EXT1: variants seen among roughly 807,000 people sequenced by gnomAD.
EXT1 encodes the protein exostosin glycosyltransferase 1, also known as exostosin-1.
Under a neutral mutation model 82.5 loss-of-function variants are expected in EXT1, and 20 were observed. The observed-to-expected ratio is 0.24, with a 90% CI of 0.17 to 0.35. The LOEUF (loss-of-function observed/expected upper bound fraction) is 0.35. Among genes scored for constraint, EXT1 ranks in the 10% least tolerant of loss-of-function variants. The pLI, the probability that EXT1 is intolerant of heterozygous loss-of-function variation, is 1.00. For missense variants in EXT1, 757 were observed against 936.5 expected (o/e 0.81, Z 2.50); for synonymous variants, 348 against 350.8 (o/e 0.99, Z 0.09).
intron 1 of EXT1, among the ~76,000 whole-genome samples, chr8:117,889,902 A>C (rs1813212839): frequency 6.6e-6 from 1 of 152,198 alleles, no homozygotes; most frequent in South Asian, 2.1e-4. Context: ...CCAACTCTGA[A>C]AAACCTATAG....
chr8:117,940,428 A>G (rs1814249017), intron 1 of EXT1, among the ~76,000 whole-genome samples: 1 of 152,214 alleles, frequency 6.6e-6, no homozygotes, highest in South Asian at 2.1e-4. Flanking sequence ...GAAGGCTTGA[A>G]GAAACATTCC....
At chr8:117,961,648 A>G (rs1319598382) in intron 1 of EXT1, among the ~76,000 whole-genome samples, 1 of 152,256 alleles carries the variant, frequency 6.6e-6, no homozygotes, top group East Asian at 1.9e-4. Flanking sequence ...ATTCATATAT[A>G]AAGTGAGATT....
At chr8:117,849,248 C>T (rs1407178242) in intron 1 of EXT1, among the ~76,000 whole-genome samples, 1 of 152,174 alleles carries the variant, frequency 6.6e-6, no homozygotes, top group Non-Finnish European at 1.5e-5. Flanking sequence ...TGGCATTTAC[C>T]AAGGTCAGAA....
At chr8:118,105,312 T>A (rs1817788558) in intron 1 of EXT1, among the ~76,000 whole-genome samples, 1 of 152,170 alleles carries the variant, frequency 6.6e-6, no homozygotes, top group African/African-American at 2.4e-5. Flanking sequence ...GCTGTCAGAG[T>A]CAGGGTGACC....
At chr8:118,109,695 T>C (rs1312442341) in intron 1 of EXT1, among the ~76,000 whole-genome samples, 1 of 152,114 alleles carries the variant, frequency 6.6e-6, no homozygotes, top group African/African-American at 2.4e-5. Context: ...TCTCTGGACT[T>C]TGGGTAGATC....
intron 10 of EXT1, among the ~76,000 whole-genome samples, chr8:117,804,266 T>C (rs1823206237): frequency 6.6e-6 from 1 of 152,250 alleles, no homozygotes; most frequent in African/African-American, 2.4e-5. Flanking sequence ...TGCCCTTCTT[T>C]CTGCCATGTG....
At chr8:117,849,227 C>A (rs1439141861) in intron 1 of EXT1, among the ~76,000 whole-genome samples, 1 of 152,224 alleles carries the variant, frequency 6.6e-6, no homozygotes, top group Non-Finnish European at 1.5e-5. Flanking sequence ...TGCCCTGTTT[C>A]ATCTCCATCC....
Position 117,894,677 on chromosome 8 carries a change from C to A in EXT1, c.963-57476G>T, listed in dbSNP as rs1273088694. On this transcript the variant is annotated intron_variant, in intron 1 of 10. Coordinates refer to ENST00000378204, the MANE Select transcript of EXT1 (RefSeq NM_000127.3). ...AATTAGTTATGCCACATCCTTCCAA[C>A]CACAACCAGGCCCTGTTTAAAAGCA... Among the ~76,000 whole-genome samples, 4 of 152,170 alleles carry A rather than the reference C, an allele frequency of 2.6e-5. No homozygotes were observed. The East Asian group carries it at 5.8e-4, about 22-fold the overall frequency.
At chr8:117,938,360 G>T (rs1334266845) in intron 1 of EXT1, among the ~76,000 whole-genome samples, 3 of 152,202 alleles carry the variant, frequency 2.0e-5, no homozygotes, top group South Asian at 2.1e-4. Flanking sequence ...TACTCAGGAG[G>T]CTGAGGTGGG....
At chr8:117,830,426 G>C in intron 3 of EXT1, 77 bp from the exon 4 acceptor site, 1 of 1,544,506 alleles carries the variant, frequency 6.5e-7, no homozygotes. Flanking sequence ...ACCCAACTGG[G>C]TTAGGCTTTT....
chr8:117,826,629 G>A (rs1812011958), intron 4 of EXT1, among the ~76,000 whole-genome samples: 1 of 152,080 alleles, frequency 6.6e-6, no homozygotes, highest in African/African-American at 2.4e-5. Flanking sequence ...GAATTCTGGG[G>A]TAATCTGAGT....
chr8:117,985,583 A>G (rs1181175723), intron 1 of EXT1, among the ~76,000 whole-genome samples: 3 of 152,198 alleles, frequency 2.0e-5, no homozygotes, highest in Admixed American at 6.5e-5. Context: ...GCTGAGCCCA[A>G]GAGATGAAGA....
intron 1 of EXT1, among the ~76,000 whole-genome samples, chr8:117,977,330 C>G (rs1029195891): frequency 6.8e-6 from 1 of 147,306 alleles, no homozygotes; most frequent in Non-Finnish European, 1.5e-5. Flanking sequence ...GAGGCTACAG[C>G]GAGCCGTGAT....
intron 1 of EXT1, among the ~76,000 whole-genome samples, chr8:118,011,400 T>C (rs188193816): frequency 6.6e-6 from 1 of 152,336 alleles, no homozygotes; most frequent in African/African-American, 2.4e-5. Flanking sequence ...AATTCTGCAA[T>C]AGCTTTTAAT....
intron 1 of EXT1, among the ~76,000 whole-genome samples, chr8:117,922,191 C>T (rs956998179): frequency 1.3e-5 from 2 of 152,146 alleles, no homozygotes; most frequent in Non-Finnish European, 2.9e-5. Context: ...AGAACTCACA[C>T]TCCCAATTTC....
chr8:117,796,841 T>C lies in EXT1; in HGVS notation c.*2871A>G, dbSNP rs189140772. Reference sequence around the variant, plus strand: ...GTATTAATGTATTTGTAAGCTTTGATATTTATAACACTTTCATATAAATAA... The same window carrying C: ...GTATTAATGTATTTGTAAGCTTTGACATTTATAACACTTTCATATAAATAA... On this transcript the variant is annotated 3_prime_UTR_variant, in exon 11 of 11. Coordinates refer to ENST00000378204, the MANE Select transcript of EXT1 (RefSeq NM_000127.3). 16 of 152,366 alleles carry C rather than the reference T, an allele frequency of 1.1e-4. No homozygotes were observed. The highest frequency in any genetic ancestry group is 3.8e-4 in the African/African-American group (16 of 41,598). The allele number at this position is 152,366 out of a possible 1,614,324, so 9.4% of individuals were successfully genotyped here.
intron 1 of EXT1, among the ~76,000 whole-genome samples, chr8:117,859,087 T>A (rs566115383): frequency 1.1e-4 from 16 of 152,346 alleles, no homozygotes; most frequent in African/African-American, 3.6e-4. Flanking sequence ...GAGGTTTTTT[T>A]AGACATGTTA....
Position 117,978,661 on chromosome 8 carries a change from A to G in EXT1, c.962+131424T>C, listed in dbSNP as rs774621958. ...CCCAGAAAGGTTTCTTTACAAATGT[A>G]TCACAGCTGCGTGACTCACGCTTTT... is the stretch of plus-strand genomic sequence containing the variant. On this transcript the variant is annotated intron_variant, in intron 1 of 10. Coordinates refer to ENST00000378204, the MANE Select transcript of EXT1 (RefSeq NM_000127.3). 7.2e-5 allele frequency among the ~76,000 whole-genome samples: 11 copies of G among 152,340 alleles called. 1 individual carries two copies. Among genetic ancestry groups the G allele is most frequent in the South Asian group, 6.2e-4 (3 of 4,834 alleles).
At chr8:117,869,562 T>A (rs1812834433) in intron 1 of EXT1, among the ~76,000 whole-genome samples, 1 of 152,244 alleles carries the variant, frequency 6.6e-6, no homozygotes, top group African/African-American at 2.4e-5. Context: ...CTTCTTTTTC[T>A]GGCAATACTG....
Sources: gnomAD v4.1 joint callset for allele counts (sites outside exome capture counted in the v4.1 genomes callset) on GRCh38, gnomAD v4.1.1 for gene constraint, MANE v1.5 for transcripts, NCBI Gene and HGNC (gene_info 2026-07-23, HGNC 2026-07-21) for gene names.